Variants in TMEM245 observed in about 807,000 individuals in gnomAD.
The protein encoded by TMEM245 is transmembrane protein 245, also known as protein CG-2.
Under a neutral mutation model 101.2 loss-of-function variants are expected in TMEM245, and 69 were observed. The ratio of observed to expected loss-of-function variants is 0.68; its 90% CI spans 0.56 to 0.83. The LOEUF (loss-of-function observed/expected upper bound fraction) is 0.83, where lower values mean the gene tolerates loss of function less well. Ranked by LOEUF, TMEM245 falls within the 40% of genes least tolerant of loss-of-function variation. The pLI is 0.00. For synonymous variants in TMEM245, 537 were observed against 449.8 expected, an observed-to-expected ratio of 1.19 and a Z score of -2.45; for missense variants, 1,075 against 1,092.8, an observed-to-expected ratio of 0.98 and a Z score of 0.23.
At chr9:109,077,156 T>G (rs1239465886) in intron 8 of TMEM245, among the ~76,000 whole-genome samples, 1 of 151,720 alleles carries the variant, frequency 6.6e-6, no homozygotes, top group African/African-American at 2.4e-5. Context: ...GTGTTTCGTT[T>G]TTGTTTTCTT....
chr9:109,069,892 C>T (rs962385952), intron 9 of TMEM245, among the ~76,000 whole-genome samples: 1 of 152,192 alleles, frequency 6.6e-6, no homozygotes, highest in Non-Finnish European at 1.5e-5. Context: ...TGGGCTTCTG[C>T]TACACCAATT....
rs1588010278 is a variant in TMEM245 at position 109,020,164 on chromosome 9, G to A, written c.*296C>T. The A allele has an allele frequency of 3.0e-6, 1 of 334,020 alleles. No individual in the cohort carries two copies. The highest frequency in any genetic ancestry group is 6.1e-5 in the East Asian group (1 of 16,348). The allele number at this position is 334,020 out of a possible 1,614,324, so 20.7% of individuals were successfully genotyped here. The stretch of plus-strand genomic sequence containing the variant: ...TAATATAGTAACATAGATAACCAAA[G>A]TGGAAAAATTTCAAGCCAGGGTACC... On this transcript the variant is annotated 3_prime_UTR_variant, in exon 18 of 18. Transcript: ENST00000374586.
chr9:109,109,106 C>T (rs1830503419), intron 1 of TMEM245, among the ~76,000 whole-genome samples: 1 of 152,040 alleles, frequency 6.6e-6, no homozygotes, highest in East Asian at 1.9e-4. Context: ...ATAATCTAGG[C>T]AACAAATGAT....
chr9:109,067,911 G>A (rs771794080), intron 9 of TMEM245, among the ~76,000 whole-genome samples: 1 of 152,018 alleles, frequency 6.6e-6, no homozygotes, highest in African/African-American at 2.4e-5. Context: ...TCCCCTACAA[G>A]GTCAACTGCC....
At chr9:109,107,223 A>C (rs1830451791) in intron 2 of TMEM245, among the ~76,000 whole-genome samples, 1 of 151,422 alleles carries the variant, frequency 6.6e-6, no homozygotes, top group Non-Finnish European at 1.5e-5. Flanking sequence ...TCCCATCTCC[A>C]CTAAAAATAA....
Position 109,016,182 on chromosome 9 carries a change from CT to C in TMEM245, c.*4277del, listed in dbSNP as rs1310940211. 6.6e-6 allele frequency: 1 copy of C among 152,496 alleles called. No homozygotes were observed. The highest frequency in any genetic ancestry group is 1.5e-5 in the Non-Finnish European group (1 of 68,004). 9.4% of individuals were successfully genotyped at this position (152,496 alleles called of 1,614,324 possible). On this transcript the variant is annotated 3_prime_UTR_variant, in exon 18 of 18. Coordinates refer to ENST00000374586, the MANE Select transcript of TMEM245 (RefSeq NM_032012.4). ...TCTAAGGTCAAACAGTGTTTGTCCC[CT>C]TTTATAAATTCACAATGTGTAATAG...
At chr9:109,035,156 C>CAAAAA (rs778574292) in intron 16 of TMEM245, among the ~76,000 whole-genome samples, 38 of 51,174 alleles carry the variant, frequency 7.4e-4, no homozygotes, top group East Asian at 2.6e-3. Flanking sequence ...GACTCTGTCT[C>CAAAAA]AAAAAAAAAA....
At chr9:109,069,661 C>A (rs572438146) in intron 9 of TMEM245, among the ~76,000 whole-genome samples, 65 of 152,282 alleles carry the variant, frequency 4.3e-4, no homozygotes, top group African/African-American at 1.5e-3. Context: ...CAGAGAAATG[C>A]ACTAAGAATT....
At chr9:109,083,375 G>C (rs908994808) in intron 7 of TMEM245, among the ~76,000 whole-genome samples, 1 of 152,148 alleles carries the variant, frequency 6.6e-6, no homozygotes, top group African/African-American at 2.4e-5. Context: ...TTTGGGCAAA[G>C]GAACCCAATC....
chr9:109,119,939 A>C lies in TMEM245; in HGVS notation c.-26T>G. 7.7e-7 allele frequency: 1 copy of C among 1,290,960 alleles called. No homozygotes were observed. The allele number at this position is 1,290,960 out of a possible 1,614,324, so 80.0% of individuals were successfully genotyped here. ...CGTTCCTCCGCCACAGCCGCCCCCG[A>C]GGGGCGGTAATGGGAGTCGGGCTAG... On this transcript the variant is annotated 5_prime_UTR_variant, in exon 1 of 18. Coordinates refer to ENST00000374586, the MANE Select transcript of TMEM245 (RefSeq NM_032012.4).
chr9:109,116,602 A>T (rs117284675), intron 1 of TMEM245, among the ~76,000 whole-genome samples: 1,755 of 151,610 alleles, frequency 0.012, 14 homozygotes, highest in South Asian at 0.031. Context: ...CACAATCTCA[A>T]CTCACTGCAA....
chr9:109,077,000 T>G (rs1274245220), intron 8 of TMEM245, among the ~76,000 whole-genome samples: 1 of 152,100 alleles, frequency 6.6e-6, no homozygotes, highest in Non-Finnish European at 1.5e-5. Flanking sequence ...TGCCTAACAC[T>G]TCCAAATTTA....
chr9:109,058,697 C>T (rs1828921756), intron 11 of TMEM245, among the ~76,000 whole-genome samples: 1 of 152,158 alleles, frequency 6.6e-6, no homozygotes, highest in Non-Finnish European at 1.5e-5. Context: ...ACTGCAGCCT[C>T]CAATTCCTGA....
chr9:109,026,632 C>T (rs562630001), intron 17 of TMEM245, among the ~76,000 whole-genome samples: 7 of 150,534 alleles, frequency 4.7e-5, no homozygotes, highest in African/African-American at 9.8e-5. Context: ...AGGTGGAAAG[C>T]GGGTGGGACT....
chr9:109,026,874 T>G (rs1827806515), intron 17 of TMEM245, among the ~76,000 whole-genome samples: 1 of 151,980 alleles, frequency 6.6e-6, no homozygotes, highest in Admixed American at 6.6e-5. Flanking sequence ...TTGCTTCCTC[T>G]CTCTCTCTCC....
At chr9:109,025,199 G>A (rs1270970526) in intron 17 of TMEM245, among the ~76,000 whole-genome samples, 1 of 152,180 alleles carries the variant, frequency 6.6e-6, no homozygotes, top group Non-Finnish European at 1.5e-5. Flanking sequence ...GTAAAGATCT[G>A]CAGAAGCGGG....
In TMEM245 at chr9:109,064,470, C is replaced by A. The variant is rs957826557; in HGVS notation, c.1623+7G>T. ...GAGAAAGCCACAAAGAAAGTTTCTT[C>A]CCTTACCTTGTGAGTTATCCATTCT... On this transcript the variant is annotated splice_region_variant and intron_variant, in intron 10 of 17. Transcript: ENST00000374586. The A allele has an allele frequency of 4.8e-5, 78 of 1,609,678 alleles. No homozygotes were observed. The highest frequency in any genetic ancestry group is 6.1e-5 in the Non-Finnish European group (72 of 1,178,044).
intron 14 of TMEM245, chr9:109,046,299 A>G (rs773879316): frequency 1.9e-6 from 1 of 534,264 alleles, no homozygotes; most frequent in Non-Finnish European, 3.8e-6. Flanking sequence ...CAATATCTCC[A>G]CCAGAGCAAG....
rs1367890872 is a variant in TMEM245 at position 109,018,160 on chromosome 9, T to C, written c.*2300A>G. 3.3e-5 allele frequency: 5 copies of C among 152,368 alleles called. No individual in the cohort carries two copies. The highest frequency in any genetic ancestry group is 4.8e-5 in the African/African-American group (2 of 41,594). 9.4% of individuals were successfully genotyped at this position (152,368 alleles called of 1,614,324 possible). A position where few individuals can be genotyped will look rare whatever the true frequency, so the allele number is the denominator to read the frequency against. ...GCAATATCACTTTATACAGCTAAAA[T>C]CACTTTGTATATGTATAGTAACTCA... is the stretch of plus-strand genomic sequence containing the variant. On this transcript the variant is annotated 3_prime_UTR_variant, in exon 18 of 18. Coordinates refer to ENST00000374586, the MANE Select transcript of TMEM245 (RefSeq NM_032012.4).
Sources: gnomAD v4.1 joint callset for allele counts (sites outside exome capture counted in the v4.1 genomes callset) on GRCh38, gnomAD v4.1.1 for gene constraint, MANE v1.5 for transcripts, NCBI Gene and HGNC (gene_info 2026-07-23, HGNC 2026-07-21) for gene names.